Variants in NTN1 observed in about 807,000 individuals in gnomAD.
NTN1 encodes netrin-1.
NTN1 carries 11 observed loss-of-function variants against 54.2 expected under a neutral mutation model. The observed-to-expected ratio is 0.20, with a 90% CI of 0.13 to 0.34. NTN1 has a LOEUF of 0.34. Among genes scored for constraint, NTN1 ranks in the 10% least tolerant of loss-of-function variants. The pLI, the probability that NTN1 is intolerant of heterozygous loss-of-function variation, is 1.00. For missense variants in NTN1, 740 were observed against 893.1 expected (o/e 0.83, Z 2.18); for synonymous variants, 371 against 382.0 (o/e 0.97, Z 0.33).
At position 9,186,745 on chromosome 17, in the gene NTN1, C is replaced by T. The variant is rs202187096; in HGVS notation, c.1411+3776C>T. 2.2e-4 allele frequency among the ~76,000 whole-genome samples: 34 copies of T among 152,326 alleles called. No homozygotes were observed. The East Asian group carries it at 3.7e-3, about 16-fold the overall frequency. On this transcript the variant is annotated intron_variant, in intron 5 of 6. Coordinates refer to ENST00000173229, the MANE Select transcript of NTN1 (RefSeq NM_004822.3). ...GGGTTGACCTTAGAGAAGTCACTTC[C>T]GGTGGCCTCTCGGCACCTCCACTTT...
chr17:9,125,038 G>A (rs1023908970), intron 2 of NTN1, among the ~76,000 whole-genome samples: 1 of 152,080 alleles, frequency 6.6e-6, no homozygotes, highest in African/African-American at 2.4e-5. Context: ...TCTAGCACGC[G>A]GGGAGCTCCA....
At position 9,123,487 on chromosome 17, in the gene NTN1, G is replaced by A. The variant is rs544463749; in HGVS notation, c.1019-39326G>A. 1.8e-4 allele frequency among the ~76,000 whole-genome samples: 28 copies of A among 152,246 alleles called. No individual in the cohort carries two copies. The East Asian group carries it at 2.7e-3, about 15-fold the overall frequency. ...TTGACATATAAAAGTTAAAGTTGCC[G>A]TCTATTAGATACGTATTTTACAGTT... On this transcript the variant is annotated intron_variant, in intron 2 of 6. Coordinates refer to ENST00000173229, the MANE Select transcript of NTN1 (RefSeq NM_004822.3).
chr17:9,100,544 G>A (rs1319140103), intron 2 of NTN1, among the ~76,000 whole-genome samples: 2 of 151,348 alleles, frequency 1.3e-5, no homozygotes, highest in African/African-American at 2.4e-5. Flanking sequence ...CTCGTGATGT[G>A]CCTGCCTTGG....
intron 6 of NTN1, among the ~76,000 whole-genome samples, chr17:9,222,234 G>A (rs571516983): frequency 2.2e-4 from 33 of 152,264 alleles, no homozygotes; most frequent in African/African-American, 7.5e-4. Context: ...ACCTCCCTCC[G>A]TCCTCCTCCT....
intron 2 of NTN1, among the ~76,000 whole-genome samples, chr17:9,086,499 C>T (rs2092090434): frequency 6.6e-6 from 1 of 152,066 alleles, no homozygotes. Context: ...GAATGTACAC[C>T]AGCAATTACA....
rs2092423581 is a variant in NTN1 at position 9,183,056 on chromosome 17, G to A, written c.1411+87G>A. On this transcript the variant is annotated intron_variant, in intron 5 of 6. Transcript: ENST00000173229. ...GTTAATGGGGAAGGGGCATTGGAAA[G>A]CCCAGACTCCTCTAACCACTGTCCG... 4.4e-6 allele frequency: 6 copies of A among 1,375,040 alleles called. No individual in the cohort carries two copies. The South Asian group carries it at 5.8e-5, about 13-fold the overall frequency. The allele number at this position is 1,375,040 out of a possible 1,614,324, so 85.2% of individuals were successfully genotyped here.
chr17:9,089,278 G>A (rs1035682690), intron 2 of NTN1, among the ~76,000 whole-genome samples: 2 of 152,102 alleles, frequency 1.3e-5, no homozygotes, highest in Non-Finnish European at 2.9e-5. Context: ...AGCCAGGTGT[G>A]GTGGCGGGCA....
At chr17:9,074,439 G>A (rs925781392) in intron 2 of NTN1, among the ~76,000 whole-genome samples, 5 of 152,218 alleles carry the variant, frequency 3.3e-5, no homozygotes, top group African/African-American at 9.6e-5. Context: ...GTGAGTGAGT[G>A]TGCAAATCAG....
chr17:9,139,891 T>TCATCCATTCATCCATCATC (rs372029099), intron 2 of NTN1, among the ~76,000 whole-genome samples: 68 of 151,026 alleles, frequency 4.5e-4, no homozygotes, highest in African/African-American at 1.4e-3. Flanking sequence ...ATTTATTCAT[T>TCATCCATTCATCCATCATC]CATCCATTCA....
At chr17:9,089,394 G>A (rs1469113512) in intron 2 of NTN1, among the ~76,000 whole-genome samples, 1 of 143,362 alleles carries the variant, frequency 7.0e-6, no homozygotes, top group Non-Finnish European at 1.5e-5. Context: ...TAGCCTGGGC[G>A]GCAGAGCAAG....
intron 2 of NTN1, among the ~76,000 whole-genome samples, chr17:9,133,510 G>A (rs369130650): frequency 1.3e-5 from 2 of 152,088 alleles, no homozygotes; most frequent in African/African-American, 2.4e-5. Context: ...GAGCCAGGGC[G>A]CATGCTTAAT....
rs988890623 is a variant in NTN1, at chr17:9,239,615, C to G, written c.1487-25C>G. 2 of 1,596,710 alleles carry G rather than the reference C, an allele frequency of 1.3e-6. No individual in the cohort carries two copies. Among genetic ancestry groups the G allele is most frequent in the Non-Finnish European group, 1.7e-6 (2 of 1,166,772 alleles). On this transcript the variant is annotated intron_variant, in intron 6 of 6. Coordinates refer to ENST00000173229, the MANE Select transcript of NTN1 (RefSeq NM_004822.3). This position sits in a 1 kb window ranked among gnomAD's most constrained non-coding sequence, Gnocchi z 5.2. The stretch of plus-strand genomic sequence containing the variant: ...CCTAGCCACAGCAGCTGGGAGCCCA[C>G]CCGTCTGCCTGTGCTTCCTTGCAGC...
intron 2 of NTN1, among the ~76,000 whole-genome samples, chr17:9,052,475 C>T (rs545452966): frequency 3.3e-5 from 5 of 152,168 alleles, no homozygotes; most frequent in South Asian, 2.1e-4. Context: ...GTACATCAAT[C>T]GAACATCAAT....
chr17:9,176,199 CTGTGTG>C (rs778456090), intron 3 of NTN1: 1 of 151,690 alleles, frequency 6.6e-6, no homozygotes, highest in Admixed American at 6.6e-5. Flanking sequence ...GTGTCTGTGT[CTGTGTG>C]TGTGGCTTTG....
chr17:9,190,548 C>G (rs1386315999), intron 5 of NTN1, among the ~76,000 whole-genome samples: 1 of 152,094 alleles, frequency 6.6e-6, no homozygotes, highest in Non-Finnish European at 1.5e-5. Context: ...ATCACTAATG[C>G]TGAGTAGAAA....
chr17:9,162,480 A>T (rs2142298633), intron 2 of NTN1, among the ~76,000 whole-genome samples: 1 of 152,204 alleles, frequency 6.6e-6, no homozygotes, highest in South Asian at 2.1e-4. Context: ...TCCTCTTCCT[A>T]CAACGACACA....
intron 2 of NTN1, among the ~76,000 whole-genome samples, chr17:9,132,398 G>A (rs1220123739): frequency 3.7e-4 from 56 of 152,096 alleles, no homozygotes; most frequent in Non-Finnish European, 5.1e-4. Context: ...TCTACCCAGC[G>A]CACACCTTGT....
the NTN1 span, among the ~76,000 whole-genome samples, chr17:9,010,191 A>G: frequency 6.6e-6 from 1 of 152,198 alleles, no homozygotes; most frequent in Non-Finnish European, 1.5e-5. Context: ...AGAACAGAAG[A>G]TGTCTGACCT....
At chr17:9,103,007 T>G (rs542506448) in intron 2 of NTN1, among the ~76,000 whole-genome samples, 21 of 152,254 alleles carry the variant, frequency 1.4e-4, no homozygotes, top group African/African-American at 5.1e-4. Context: ...TGGCTTCTGA[T>G]GGTGAGTGTG....
Sources: gnomAD v4.1 joint callset for allele counts (sites outside exome capture counted in the v4.1 genomes callset) on GRCh38, gnomAD v4.1.1 for gene constraint, Gnocchi (gnomAD v3.1) non-coding constraint, MANE v1.5 for transcripts, NCBI Gene and HGNC (gene_info 2026-07-23, HGNC 2026-07-21) for gene names.